Variants in RNFT1 observed in about 807,000 individuals in gnomAD.
RNFT1 encodes E3 ubiquitin-protein ligase RNFT1.
A neutral mutation model predicts 53.2 loss-of-function variants in RNFT1; 35 were observed. That is an observed-to-expected ratio of 0.66 (90% CI 0.50 to 0.87). RNFT1 has a LOEUF of 0.87. Ranked by LOEUF, RNFT1 falls within the 40% of genes least tolerant of loss-of-function variation. The pLI, the probability that RNFT1 is intolerant of heterozygous loss-of-function variation, is 0.00. For missense variants in RNFT1, 421 were observed against 515.0 expected (o/e 0.82, Z 1.77); for synonymous variants, 141 against 172.8 (o/e 0.82, Z 1.44).
At chr17:59,959,583 T>A (rs2045274799) in intron 4 of RNFT1, 1 of 152,280 alleles carries the variant, frequency 6.6e-6, no homozygotes, top group African/African-American at 2.4e-5. Context: ...ATCTGTTATG[T>A]GCCAAGGCAC....
chr17:59,963,494 CA>C (rs372745973), intron 1 of RNFT1, among the ~76,000 whole-genome samples: 269 of 142,560 alleles, frequency 1.9e-3, no homozygotes, highest in East Asian at 3.1e-3. Flanking sequence ...ACATTTGCAC[CA>C]AAAAAAAAAA....
At chr17:59,955,491 C>A (rs2145115059) in intron 7 of RNFT1, among the ~76,000 whole-genome samples, 1 of 152,242 alleles carries the variant, frequency 6.6e-6, no homozygotes, top group East Asian at 1.9e-4. Flanking sequence ...AGGGTATTTT[C>A]TTGAGAGTAT....
chr17:59,964,721 C>G lies in RNFT1; in HGVS notation c.-58G>C. 1 of 1,515,858 alleles carries G rather than the reference C, an allele frequency of 6.6e-7. No individual in the cohort carries two copies. The highest frequency in any genetic ancestry group is 1.4e-5 in the African/African-American group (1 of 70,476). 93.9% of individuals were successfully genotyped at this position (1,515,858 alleles called of 1,614,324 possible). ...AACCGCAAACCCCGCAAGCTCTTCT[C>G]TCAGCCCGGCGGCAACGGCGGCGGC... On this transcript the variant is annotated 5_prime_UTR_variant, in exon 1 of 9. Transcript: ENST00000305783.
rs1469853546 is a variant in RNFT1 at position 59,962,430 on chromosome 17, C to T, written c.591+110G>A. ...ACATAACGTGGATGTTACAATATAT[C>T]CTATTACTTCCTATTTCTTTCAAGT... On this transcript the variant is annotated intron_variant, in intron 3 of 8. Coordinates refer to ENST00000305783, the MANE Select transcript of RNFT1 (RefSeq NM_016125.4). The T allele has an allele frequency of 7.3e-6, 5 of 683,752 alleles. No homozygotes were observed. In the Admixed American group the frequency reaches 8.5e-5, roughly 12 times the overall value. 42.4% of individuals were successfully genotyped at this position (683,752 alleles called of 1,614,324 possible). A position where few individuals can be genotyped will look rare whatever the true frequency, so the allele number is the denominator to read the frequency against.
chr17:59,961,420 C>T (rs1450119517), intron 3 of RNFT1, among the ~76,000 whole-genome samples: 1 of 152,096 alleles, frequency 6.6e-6, no homozygotes, highest in African/African-American at 2.4e-5. Flanking sequence ...ATAGGTTTAA[C>T]TATAAATTTC....
chr17:59,956,746 A>G (rs550859554), intron 6 of RNFT1, among the ~76,000 whole-genome samples, 193 bp from the exon 7 acceptor site: 43 of 152,378 alleles, frequency 2.8e-4, no homozygotes, highest in African/African-American at 8.9e-4. Context: ...GCTGAAGTAC[A>G]TTTAAACACC....
At chr17:59,954,842 AAACT>A (rs2045243900) in intron 7 of RNFT1, among the ~76,000 whole-genome samples, 1 of 152,210 alleles carries the variant, frequency 6.6e-6, no homozygotes, top group Admixed American at 6.5e-5. Flanking sequence ...ACTACTGTCA[AAACT>A]AACTGAACAA....
At position 59,952,790 on chromosome 17, in the gene RNFT1, A is replaced by G; in HGVS notation, c.*187T>C. 2.0e-6 allele frequency: 1 copy of G among 501,180 alleles called. No individual in the cohort carries two copies. Among genetic ancestry groups the G allele is most frequent in the South Asian group, 3.5e-5 (1 of 28,330 alleles). 31.0% of individuals were successfully genotyped at this position (501,180 alleles called of 1,614,324 possible). A position where few individuals can be genotyped will look rare whatever the true frequency, so the allele number is the denominator to read the frequency against. On this transcript the variant is annotated 3_prime_UTR_variant, in exon 9 of 9. Coordinates refer to ENST00000305783, the MANE Select transcript of RNFT1 (RefSeq NM_016125.4). ...ATGTTGCATATACATTAGGTTGAAC[A>G]TTATATATATTTTAAAACACAGGGT...
chr17:59,956,194 G>A (rs780077926), intron 7 of RNFT1, among the ~76,000 whole-genome samples: 2 of 152,230 alleles, frequency 1.3e-5, no homozygotes, highest in Non-Finnish European at 2.9e-5. Flanking sequence ...GATTGTTAAG[G>A]GTTTACAAGC....
Position 59,964,656 on chromosome 17 carries a change from A to T in RNFT1, c.8T>A (p.Leu3Gln). MPLFLLSLPTPPS... is the reference protein window; with the variant it reads MPQFLLSLPTPPS... ...AGGTGTCGGGAGCGACAGCAAGAACAGCGGCATACACCGCCTCCAGCCCTT... is the reference window on the plus strand; with the variant it reads ...AGGTGTCGGGAGCGACAGCAAGAACTGCGGCATACACCGCCTCCAGCCCTT... Residue 3 changes from leucine (L) to glutamine (Q), a missense_variant, in exon 1 of 9, where the codon CTG (leucine) becomes CAG (glutamine). Transcript: ENST00000305783. 1 of 1,607,862 alleles carries T rather than the reference A, an allele frequency of 6.2e-7. No individual in the cohort carries two copies.
intron 5 of RNFT1, 96 bp downstream of exon 5, chr17:59,958,195 A>T: frequency 1.5e-6 from 2 of 1,312,142 alleles, no homozygotes; most frequent in Non-Finnish European, 2.1e-6. Context: ...TAGCAAACTG[A>T]AAAACTGCAA....
chr17:59,956,228 A>C (rs1212749592), intron 7 of RNFT1, among the ~76,000 whole-genome samples: 1 of 152,206 alleles, frequency 6.6e-6, no homozygotes, highest in Admixed American at 6.5e-5. Flanking sequence ...AGTGGATTGA[A>C]GAGGCAAGAG....
At chr17:59,960,473 T>TAAAAAA (rs1204402063) in intron 3 of RNFT1, among the ~76,000 whole-genome samples, 5 of 118,760 alleles carry the variant, frequency 4.2e-5, no homozygotes, top group African/African-American at 9.4e-5. Flanking sequence ...TAAATTAAAT[T>TAAAAAA]AAAAAAAAAA....
In RNFT1 at chr17:59,952,347, C is replaced by T. The variant is rs1230661328; in HGVS notation, c.*630G>A. 2 of 152,262 alleles carry T rather than the reference C, an allele frequency of 1.3e-5. No individual in the cohort carries two copies. The highest frequency in any genetic ancestry group is 3.9e-4 in the East Asian group (2 of 5,184). The allele number at this position is 152,262 out of a possible 1,614,324, so 9.4% of individuals were successfully genotyped here. The stretch of plus-strand genomic sequence containing the variant: ...AGCTGATGGCAGGAAGAATTTATGA[C>T]GTCCAGAGACAAAATGAATTTAAAT... On this transcript the variant is annotated 3_prime_UTR_variant, in exon 9 of 9. Transcript: ENST00000305783.
chr17:59,959,889 G>A (rs530384655), intron 4 of RNFT1, 179 bp downstream of exon 4: 21 of 468,164 alleles, frequency 4.5e-5, no homozygotes, highest in Middle Eastern at 7.0e-4. Context: ...CAGGCTGGGC[G>A]AGAGAGTGAG....
At chr17:59,955,460 T>C (rs578210942) in intron 7 of RNFT1, among the ~76,000 whole-genome samples, 1 of 152,324 alleles carries the variant, frequency 6.6e-6, no homozygotes, top group African/African-American at 2.4e-5. Context: ...TCTCTGTAGT[T>C]TGTCTCAGAG....
At position 59,962,966 on chromosome 17, in the gene RNFT1, C is replaced by T. The variant is rs2045305775; in HGVS notation, c.375G>A (p.Leu125=). The change falls in exon 2 of 9, where the codon CTG becomes CTA. Residue 125 remains leucine (L), a synonymous_variant. Transcript: ENST00000305783. Reference sequence around the variant, plus strand: ...CAGATTCTGCGGCAGTATCATCAGTCAGCCTTGCTTCACTGTGGGAGTGAC... The same window carrying T: ...CAGATTCTGCGGCAGTATCATCAGTTAGCCTTGCTTCACTGTGGGAGTGAC... ...LRGHSHSEAR[L]TDDTAAESGD... The T allele has an allele frequency of 1.9e-6, 3 of 1,614,248 alleles. No individual in the cohort carries two copies. The highest frequency in any genetic ancestry group is 2.7e-5 in the African/African-American group (2 of 75,070).
At chr17:59,963,331 A>G in intron 1 of RNFT1, 47 bp from the exon 2 acceptor site, 1 of 1,505,710 alleles carries the variant, frequency 6.6e-7, no homozygotes, top group South Asian at 1.2e-5. Flanking sequence ...GCAGTTAAAT[A>G]CCAGCAGTAT....
rs1190591801 is a variant in RNFT1, at chr17:59,964,646, C to T, written c.18G>A (p.Leu6=). 7 of 1,608,426 alleles carry T rather than the reference C, an allele frequency of 4.4e-6. No homozygotes were observed. The highest frequency in any genetic ancestry group is 5.9e-6 in the Non-Finnish European group (7 of 1,177,660). Reference sequence around the variant, plus strand: ...AAGCGGACGGAGGTGTCGGGAGCGACAGCAAGAACAGCGGCATACACCGCC... The same window carrying T: ...AAGCGGACGGAGGTGTCGGGAGCGATAGCAAGAACAGCGGCATACACCGCC... MPLFL[L]SLPTPPSASG... Residue 6 remains leucine (L), a synonymous_variant, in exon 1 of 9, where the codon CTG becomes CTA. Coordinates refer to ENST00000305783, the MANE Select transcript of RNFT1 (RefSeq NM_016125.4).
Sources: allele counts gnomAD v4.1 joint callset (sites outside exome capture counted in the v4.1 genomes callset), GRCh38; gene constraint gnomAD v4.1.1; transcripts MANE v1.5; gene names NCBI Gene and HGNC (gene_info 2026-07-23, HGNC 2026-07-21).